EXD3: variants seen among roughly 807,000 people sequenced by gnomAD.
EXD3 encodes exonuclease 3'-5' domain containing 3.
In EXD3, 92 loss-of-function variants were observed where a neutral mutation model predicts 98.0. That is an observed-to-expected ratio of 0.94 (90% CI 0.79 to 1.12). The LOEUF (loss-of-function observed/expected upper bound fraction) is 1.12, where lower values mean the gene tolerates loss of function less well. EXD3 is among the 50% of genes most tolerant of loss of function. The probability of loss-of-function intolerance (pLI) is 0.00; values close to 1 mark genes in which losing one functional copy is unlikely to be tolerated. For missense variants in EXD3, 1,222 were observed against 1,191.6 expected (o/e 1.03, Z -0.38); for synonymous variants, 569 against 526.0 (o/e 1.08, Z -1.12).
chr9:137,395,747 G>A lies in EXD3; in HGVS notation c.-47-343C>T, dbSNP rs1025805570. ...AGGACAGCGTGACCCCCCTTGCCAT[G>A]TCCCCCTCAGGCTGTGTGTCCTGCC... On this transcript the variant is annotated intron_variant, in intron 1 of 21. Coordinates refer to ENST00000340951, the MANE Select transcript of EXD3 (RefSeq NM_017820.5). The surrounding 1 kb of genome is among the most constrained non-coding windows in gnomAD (Gnocchi z 6.5). 1.3e-5 allele frequency among the ~76,000 whole-genome samples: 2 copies of A among 152,070 alleles called. No individual in the cohort carries two copies. The highest frequency in any genetic ancestry group is 2.4e-5 in the African/African-American group (1 of 41,420).
intron 17 of EXD3, among the ~76,000 whole-genome samples, chr9:137,328,632 CT>C (rs1832659649): frequency 1.7e-4 from 11 of 66,612 alleles, no homozygotes; most frequent in African/African-American, 2.5e-4. Context: ...CTACACGGGA[CT>C]ACACGGGGCT....
rs759107286 is a variant in EXD3 at position 137,352,674 on chromosome 9, T to G, written c.983A>C (p.Glu328Ala). The change falls in exon 11 of 22, where the codon GAG (glutamate) becomes GCG (alanine). Residue 328 changes from glutamate to alanine, a missense_variant. Physicochemically the swap from Glu to Ala is moderately radical, Grantham distance 107. Transcript: ENST00000340951. ...CACAGCCACCGCAGCCGGCAGCCGC[T>G]CCTCGGGCAGCAAGAGTTCCATGGC... ...QCAMELLLPE[E>A]RLPAAVAVEL... 6.4e-7 allele frequency: 1 copy of G among 1,553,226 alleles called. No individual in the cohort carries two copies. The highest frequency in any genetic ancestry group is 8.7e-7 in the Non-Finnish European group (1 of 1,149,194).
chr9:137,353,048 C>T, intron 10 of EXD3: 1 of 1,305,638 alleles, frequency 7.7e-7, no homozygotes, highest in South Asian at 1.8e-5. Context: ...GTCTCCAAGC[C>T]TGAGGTGAAG....
intron 1 of EXD3, among the ~76,000 whole-genome samples, chr9:137,410,960 G>C (rs571757028): frequency 6.6e-6 from 1 of 151,840 alleles, no homozygotes; most frequent in Non-Finnish European, 1.5e-5. Flanking sequence ...AGGTCCAGGC[G>C]TCTCAGGGGA....
chr9:137,387,087 C>G lies in EXD3; in HGVS notation c.56-3710G>C, dbSNP rs918556590. Among the ~76,000 whole-genome samples, 7 of 151,598 alleles carry G rather than the reference C, an allele frequency of 4.6e-5. No homozygotes were observed. The East Asian group carries it at 1.4e-3, about 30-fold the overall frequency. On this transcript the variant is annotated intron_variant, in intron 2 of 21. Transcript: ENST00000340951. ...CGTGCTTGGCCCCCGGCCCTTGCTT[C>G]CTGCCTGGCCCCCGGCCCCTACTCC...
At chr9:137,334,162 C>T (rs1346982854) in intron 17 of EXD3, among the ~76,000 whole-genome samples, 4 of 152,132 alleles carry the variant, frequency 2.6e-5, no homozygotes, top group Non-Finnish European at 4.4e-5. Flanking sequence ...CCACCACACC[C>T]GGCTAATTTT....
rs937790423 is a variant in EXD3, at chr9:137,349,679, C to G, written c.1495-148G>C. On this transcript the variant is annotated intron_variant, in intron 14 of 21. Coordinates refer to ENST00000340951, the MANE Select transcript of EXD3 (RefSeq NM_017820.5). This position sits in a 1 kb window ranked among gnomAD's most constrained non-coding sequence, Gnocchi z 7.4. Reference sequence around the variant, plus strand: ...CCACAGCAGAGACGGGGAGAAGGAGCGGACACATCCGAGGAGAGGCTCCAC... The same window carrying G: ...CCACAGCAGAGACGGGGAGAAGGAGGGGACACATCCGAGGAGAGGCTCCAC... The G allele has an allele frequency of 1.8e-5, 16 of 876,718 alleles. No homozygotes were observed. In the African/African-American group the frequency reaches 1.9e-4, roughly 10 times the overall value. The allele number at this position is 876,718 out of a possible 1,614,324, so 54.3% of individuals were successfully genotyped here.
chr9:137,314,572 C>T (rs981044905), intron 19 of EXD3, among the ~76,000 whole-genome samples: 42 of 152,154 alleles, frequency 2.8e-4, no homozygotes, highest in African/African-American at 9.4e-4. Context: ...AGGGTGGCAG[C>T]CCTGGAGAGG....
At chr9:137,420,906 C>T (rs923007386) in intron 1 of EXD3, among the ~76,000 whole-genome samples, 2 of 152,174 alleles carry the variant, frequency 1.3e-5, no homozygotes, top group East Asian at 1.9e-4. Flanking sequence ...CCTCAATCTC[C>T]TGGACTCAAG....
intron 17 of EXD3, among the ~76,000 whole-genome samples, chr9:137,338,199 T>C (rs1240989711): frequency 6.6e-6 from 1 of 152,160 alleles, no homozygotes; most frequent in Non-Finnish European, 1.5e-5. Context: ...CAGACTATTT[T>C]CCTGAAGTTA....
rs1837777963 is a variant in EXD3, at chr9:137,407,455, T to C, written c.-47-12051A>G. Among the ~76,000 whole-genome samples the C allele has an allele frequency of 6.6e-6, 1 of 152,168 alleles. No homozygotes were observed. On this transcript the variant is annotated intron_variant, in intron 1 of 21. Transcript: ENST00000340951. This position sits in a 1 kb window ranked among gnomAD's most constrained non-coding sequence, Gnocchi z 4.4. Reference sequence around the variant, plus strand: ...GCAGGCCCTTTCCTGGGGGCCTCTGTGCCGTGCAAAGGGCAGGTCTGGCCG... The same window carrying C: ...GCAGGCCCTTTCCTGGGGGCCTCTGCGCCGTGCAAAGGGCAGGTCTGGCCG...
chr9:137,319,635 C>A (rs554033241), intron 19 of EXD3, among the ~76,000 whole-genome samples: 33 of 152,282 alleles, frequency 2.2e-4, no homozygotes, highest in African/African-American at 7.5e-4. Context: ...GAGCACCTCT[C>A]GGGACTCCAG....
In EXD3 at chr9:137,360,465, T is replaced by TC. The variant is rs977362235; in HGVS notation, c.657-4098_657-4097insG. 1.3e-4 allele frequency among the ~76,000 whole-genome samples: 9 copies of TC among 66,936 alleles called. 1 individual carries two copies. The highest frequency in any genetic ancestry group is 3.8e-4 in the African/African-American group (8 of 20,850). 43.9% of individuals were successfully genotyped at this position (66,936 alleles called of 152,430 possible). The stretch of plus-strand genomic sequence containing the variant: ...CATCCTTCCTTCCTTTTCTTCTTCT[T>TC]TTTTTTTTTTTTTGAGATGGAGTCT... On this transcript the variant is annotated intron_variant, in intron 7 of 21. Coordinates refer to ENST00000340951, the MANE Select transcript of EXD3 (RefSeq NM_017820.5).
intron 1 of EXD3, among the ~76,000 whole-genome samples, chr9:137,401,656 C>T (rs11516125): frequency 0.4 from 60,171 of 152,144 alleles, 12,789 homozygotes; most frequent in East Asian, 0.62. Flanking sequence ...GGCTTCCACC[C>T]TCTGAAGCCA....
At chr9:137,369,289 C>G (rs1172250652) in intron 5 of EXD3, among the ~76,000 whole-genome samples, 1 of 152,086 alleles carries the variant, frequency 6.6e-6, no homozygotes, top group African/African-American at 2.4e-5. Context: ...ACCACCCCAG[C>G]AGTGACACCC....
chr9:137,312,572 G>A (rs1045563413), intron 19 of EXD3, among the ~76,000 whole-genome samples: 6 of 152,156 alleles, frequency 3.9e-5, no homozygotes, highest in African/African-American at 1.4e-4. Context: ...CTGAGTGGAC[G>A]CCCACCCTCC....
intron 2 of EXD3, among the ~76,000 whole-genome samples, chr9:137,390,015 A>G (rs568082623): frequency 0.024 from 3,491 of 146,446 alleles, 133 homozygotes; most frequent in African/African-American, 0.077. Context: ...CCAGCTACTC[A>G]GGAAGCTGAG....
At chr9:137,381,598 C>A (rs1004672224) in intron 3 of EXD3, among the ~76,000 whole-genome samples, 1 of 152,114 alleles carries the variant, frequency 6.6e-6, no homozygotes, top group Non-Finnish European at 1.5e-5. Flanking sequence ...CTCACCCGCC[C>A]GGTGTGCTGG....
intron 17 of EXD3, among the ~76,000 whole-genome samples, chr9:137,339,692 A>AT (rs1434892632): frequency 3.3e-5 from 5 of 152,224 alleles, no homozygotes; most frequent in African/African-American, 1.2e-4. Context: ...CCAGGAAAGC[A>AT]TTAGGTAGGT....
Sources: gnomAD v4.1 joint callset for allele counts (sites outside exome capture counted in the v4.1 genomes callset) on GRCh38, gnomAD v4.1.1 for gene constraint, Gnocchi (gnomAD v3.1) non-coding constraint, MANE v1.5 for transcripts, NCBI Gene and HGNC (gene_info 2026-07-23, HGNC 2026-07-21) for gene names.